PDE4D: variants seen among roughly 807,000 people sequenced by gnomAD.
PDE4D encodes the protein 3',5'-cyclic-AMP phosphodiesterase 4D.
A neutral mutation model predicts 87.4 loss-of-function variants in PDE4D; 24 were observed. The ratio of observed to expected loss-of-function variants is 0.27; its 90% CI spans 0.20 to 0.39. PDE4D has a LOEUF of 0.39. Among genes scored for constraint, PDE4D ranks in the 10% least tolerant of loss-of-function variants. The pLI, the probability that PDE4D is intolerant of heterozygous loss-of-function variation, is 1.00. For missense variants in PDE4D, 714 were observed against 1,041.0 expected (o/e 0.69, Z 4.32); for synonymous variants, 384 against 383.2 (o/e 1.00, Z -0.02).
At chr5:59,631,679 T>C (rs891601969) in intron 1 of PDE4D, among the ~76,000 whole-genome samples, 2 of 152,064 alleles carry the variant, frequency 1.3e-5, no homozygotes, top group Non-Finnish European at 2.9e-5. Context: ...AGGGAAGTCA[T>C]GAGGGACTGT....
At chr5:59,807,173 A>G (rs74378062) in intron 1 of PDE4D, among the ~76,000 whole-genome samples, 5,946 of 152,174 alleles carry the variant, frequency 0.039, 369 homozygotes, top group African/African-American at 0.14. Flanking sequence ...CTTGGGTTCA[A>G]TACCCCTCTT....
chr5:59,683,314 G>C (rs1206124940), intron 1 of PDE4D, among the ~76,000 whole-genome samples: 1 of 152,104 alleles, frequency 6.6e-6, no homozygotes, highest in Non-Finnish European at 1.5e-5. Context: ...GGGGGATATT[G>C]GTGAGGGGTA....
Position 59,067,903 on chromosome 5 carries a change from TATTA to T in PDE4D, c.809-28936_809-28933del, listed in dbSNP as rs1385959869. Among the ~76,000 whole-genome samples, 9 of 152,314 alleles carry T rather than the reference TATTA, an allele frequency of 5.9e-5. No individual in the cohort carries two copies. The East Asian group carries it at 7.7e-4, about 13-fold the overall frequency. ...TTTTTAGTTATCAAATAAACACATG[TATTA>T]ATTAAGTAGGTAAAATATTGCATAT... On this transcript the variant is annotated intron_variant, in intron 5 of 14. Transcript: ENST00000340635.
At chr5:59,109,419 G>T (rs1369937083) in intron 5 of PDE4D, among the ~76,000 whole-genome samples, 1 of 152,218 alleles carries the variant, frequency 6.6e-6, no homozygotes, top group Non-Finnish European at 1.5e-5. Context: ...AGACTTCACT[G>T]AATCTGGAGC....
intron 2 of PDE4D, among the ~76,000 whole-genome samples, chr5:60,005,962 T>A (rs1419322019): frequency 3.9e-5 from 6 of 151,958 alleles, no homozygotes; most frequent in African/African-American, 2.4e-5. Flanking sequence ...AATTATTTAA[T>A]AAAATTGTTT....
chr5:59,000,373 G>A (rs1302034640), intron 6 of PDE4D, among the ~76,000 whole-genome samples: 1 of 152,168 alleles, frequency 6.6e-6, no homozygotes, highest in Non-Finnish European at 1.5e-5. Context: ...GTGGCTCCCT[G>A]GTGATGTAGA....
At chr5:60,485,741 C>T (rs1395366208) in intron 1 of PDE4D, among the ~76,000 whole-genome samples, 1 of 152,086 alleles carries the variant, frequency 6.6e-6, no homozygotes, top group Non-Finnish European at 1.5e-5. Context: ...CATGCCTTGC[C>T]CCCAGCCCAC....
At chr5:60,055,858 C>A (rs1466027369) in intron 2 of PDE4D, among the ~76,000 whole-genome samples, 1 of 150,744 alleles carries the variant, frequency 6.6e-6, no homozygotes, top group Admixed American at 6.6e-5. Context: ...AGTAGTAACA[C>A]AAAGAAGCAA....
At chr5:60,103,154 G>T (rs1014907888) in intron 2 of PDE4D, among the ~76,000 whole-genome samples, 1 of 152,146 alleles carries the variant, frequency 6.6e-6, no homozygotes, top group Non-Finnish European at 1.5e-5. Flanking sequence ...ACAATTCCCA[G>T]AAGAATAAAT....
rs114043259 is a variant in PDE4D, at chr5:60,176,886, C to T, written c.42+8671G>A. Among the ~76,000 whole-genome samples the T allele has an allele frequency of 1.9e-3, 294 of 152,106 alleles. 1 individual carries two copies. The highest frequency in any genetic ancestry group is 6.9e-3 in the African/African-American group (285 of 41,502). On this transcript the variant is annotated intron_variant, in intron 2 of 16. Transcript: ENST00000502484. Reference sequence around the variant, plus strand: ...ATGTTTACTTGAACTTGGAATAAGGCGTTTCTCCTGGCTTTCCTGGAGTAA... The same window carrying T: ...ATGTTTACTTGAACTTGGAATAAGGTGTTTCTCCTGGCTTTCCTGGAGTAA...
chr5:59,150,560 C>A (rs535305932), intron 5 of PDE4D, among the ~76,000 whole-genome samples: 1 of 152,172 alleles, frequency 6.6e-6, no homozygotes, highest in East Asian at 1.9e-4. Context: ...TCTTTTTGGT[C>A]ATCAATGTAT....
At chr5:59,830,953 C>T (rs1741105546) in intron 1 of PDE4D, among the ~76,000 whole-genome samples, 1 of 152,038 alleles carries the variant, frequency 6.6e-6, no homozygotes, top group South Asian at 2.1e-4. Context: ...AGTTAGGGCA[C>T]AGATAGCAAG....
chr5:60,095,865 T>C (rs763368443), intron 2 of PDE4D, among the ~76,000 whole-genome samples: 3 of 152,200 alleles, frequency 2.0e-5, no homozygotes, highest in Non-Finnish European at 4.4e-5. Context: ...TTTTTTTATA[T>C]ATTTTTTGGC....
chr5:59,098,664 A>C (rs532112978), intron 5 of PDE4D, among the ~76,000 whole-genome samples: 1 of 144,360 alleles, frequency 6.9e-6, no homozygotes, highest in African/African-American at 2.6e-5. Context: ...TGATCACACC[A>C]CTACACTCCA....
chr5:59,984,761 A>T (rs962021435), intron 3 of PDE4D, among the ~76,000 whole-genome samples: 8 of 152,136 alleles, frequency 5.3e-5, no homozygotes, highest in African/African-American at 1.9e-4. Flanking sequence ...TGGCTTTCTA[A>T]AGGGGTGGTA....
At chr5:59,517,416 C>CTT (rs1811367633) in intron 1 of PDE4D, among the ~76,000 whole-genome samples, 1 of 152,180 alleles carries the variant, frequency 6.6e-6, no homozygotes, top group African/African-American at 2.4e-5. Context: ...CAAATGCCTA[C>CTT]TTTTACAGTC....
rs1554131930 is a variant in PDE4D, at chr5:60,003,725, A to AG, written c.43-15009_43-15008insC. On this transcript the variant is annotated intron_variant, in intron 2 of 16. Coordinates refer to the PDE4D transcript ENST00000502484. Reference sequence around the variant, plus strand: ...CTCCATCTAAAAAAAAAAAAAAAAAAAAGAAGAAGAAGAAGAACAAAGTTG... The same window carrying AG: ...CTCCATCTAAAAAAAAAAAAAAAAAAGAAGAAGAAGAAGAAGAACAAAGTTG... Among the ~76,000 whole-genome samples the AG allele has an allele frequency of 4.2e-3, 626 of 150,454 alleles. 4 individuals carry two copies. Among genetic ancestry groups the AG allele is most frequent in the African/African-American group, 0.015 (606 of 40,864 alleles).
At chr5:59,438,693 C>G (rs1797145669) in intron 1 of PDE4D, among the ~76,000 whole-genome samples, 1 of 152,132 alleles carries the variant, frequency 6.6e-6, no homozygotes, top group South Asian at 2.1e-4. Context: ...TCAACCACTT[C>G]TGAATGCATC....
intron 1 of PDE4D, among the ~76,000 whole-genome samples, chr5:59,235,894 A>G (rs1207525402): frequency 6.6e-6 from 1 of 152,232 alleles, no homozygotes; most frequent in East Asian, 1.9e-4. Context: ...TACAGAAAAC[A>G]ACTATCTGGT....
Sources: gnomAD v4.1 joint callset for allele counts (sites outside exome capture counted in the v4.1 genomes callset) on GRCh38, gnomAD v4.1.1 for gene constraint, MANE v1.5 for transcripts, NCBI Gene and HGNC (gene_info 2026-07-23, HGNC 2026-07-21) for gene names.